Variants in PTN observed in about 807,000 individuals in gnomAD.
PTN encodes heparin affin regulatory protein.
Under a neutral mutation model 24.1 loss-of-function variants are expected in PTN, and 18 were observed. That is an observed-to-expected ratio of 0.75 (90% CI 0.52 to 1.11). The LOEUF (loss-of-function observed/expected upper bound fraction) is 1.11, where lower values mean the gene tolerates loss of function less well. PTN is among the 50% of genes least tolerant of loss of function. PTN has a pLI of 0.00. For missense variants in PTN, 163 were observed against 198.8 expected, an observed-to-expected ratio of 0.82 and a Z score of 1.08; for synonymous variants, 78 against 68.6, an observed-to-expected ratio of 1.14 and a Z score of -0.67.
At chr7:137,331,474 C>A (rs1810357514) in intron 1 of PTN, among the ~76,000 whole-genome samples, 1 of 152,226 alleles carries the variant, frequency 6.6e-6, no homozygotes, top group African/African-American at 2.4e-5. Context: ...ACTTTCACTC[C>A]TCCTCTGCGA....
At chr7:137,272,725 C>T (rs1012651243) in intron 1 of PTN, among the ~76,000 whole-genome samples, 4 of 152,086 alleles carry the variant, frequency 2.6e-5, no homozygotes, top group East Asian at 1.9e-4. Context: ...TCTAAAAAAA[C>T]GAAACTAGAA....
chr7:137,301,092 T>C (rs1809798068), intron 1 of PTN, among the ~76,000 whole-genome samples: 1 of 151,958 alleles, frequency 6.6e-6, no homozygotes, highest in African/African-American at 2.4e-5. Flanking sequence ...TAGTACAGTA[T>C]TTAGTAAAAT....
chr7:137,234,172 T>G (rs1314870688), intron 4 of PTN, among the ~76,000 whole-genome samples: 1 of 151,970 alleles, frequency 6.6e-6, no homozygotes, highest in Non-Finnish European at 1.5e-5. Flanking sequence ...TACTTTGAAA[T>G]GTGACCAAGT....
chr7:137,276,379 A>G (rs1413729442), intron 1 of PTN, among the ~76,000 whole-genome samples: 1 of 152,216 alleles, frequency 6.6e-6, no homozygotes, highest in Non-Finnish European at 1.5e-5. Context: ...CCTGAGATAA[A>G]GAGAAACTAT....
At chr7:137,285,101 G>A (rs1198379852) in intron 1 of PTN, among the ~76,000 whole-genome samples, 2 of 152,102 alleles carry the variant, frequency 1.3e-5, no homozygotes, top group African/African-American at 2.4e-5. Flanking sequence ...CAAAGCTAAT[G>A]AGCAAATCAG....
intron 1 of PTN, among the ~76,000 whole-genome samples, chr7:137,275,503 C>A (rs962119503): frequency 6.6e-6 from 1 of 152,116 alleles, no homozygotes; most frequent in Non-Finnish European, 1.5e-5. Flanking sequence ...TAAGAGGATT[C>A]AGCCAATAAG....
rs1363943343 is a variant in PTN at position 137,302,959 on chromosome 7, A to G, written c.-2+40480T>C. On this transcript the variant is annotated intron_variant, in intron 1 of 4. Transcript: ENST00000348225. ...GCTTGTATGGTCTCAAAAAGAAAGT[A>G]CTTGATGTTCGTGTTTATTCATTGT... is the stretch of plus-strand genomic sequence containing the variant. Among the ~76,000 whole-genome samples, 3 of 151,960 alleles carry G rather than the reference A, an allele frequency of 2.0e-5. No individual in the cohort carries two copies. In the East Asian group the frequency reaches 5.8e-4, roughly 29 times the overall value.
At chr7:137,332,480 A>G (rs1307535550) in intron 1 of PTN, among the ~76,000 whole-genome samples, 1 of 152,194 alleles carries the variant, frequency 6.6e-6, no homozygotes, top group Non-Finnish European at 1.5e-5. Flanking sequence ...GAGATTCTGC[A>G]TATTCCCAGA....
chr7:137,253,355 A>G, intron 3 of PTN, 109 bp downstream of exon 3: 3 of 1,182,122 alleles, frequency 2.5e-6, no homozygotes, highest in Non-Finnish European at 3.5e-6. Flanking sequence ...TGTGTCTGGT[A>G]AGATAAAGTT....
intron 4 of PTN, among the ~76,000 whole-genome samples, chr7:137,250,118 A>T (rs552601795): frequency 3.3e-5 from 5 of 152,310 alleles, no homozygotes; most frequent in South Asian, 4.1e-4. Context: ...TAGAGTTAAA[A>T]TATATGAGTA....
intron 4 of PTN, among the ~76,000 whole-genome samples, chr7:137,240,322 A>G (rs1183488512): frequency 1.3e-5 from 2 of 152,130 alleles, no homozygotes; most frequent in East Asian, 3.9e-4. Context: ...CTCTTAATAG[A>G]TTTTATAAAA....
rs536640753 is a variant in PTN, at chr7:137,244,105, CTCT to C, written c.451+7122_451+7124del. On this transcript the variant is annotated intron_variant, in intron 4 of 4. Transcript: ENST00000348225. ...TTAATCTATATTAATTAAACTCAAT[CTCT>C]TTTCTTAAGAAATTAAAATCTCAAG... Among the ~76,000 whole-genome samples the C allele has an allele frequency of 1.4e-4, 21 of 152,242 alleles. No homozygotes were observed. In the South Asian group the frequency reaches 4.2e-3, roughly 30 times the overall value.
chr7:137,278,036 G>A (rs977607383), intron 1 of PTN, among the ~76,000 whole-genome samples: 55 of 152,028 alleles, frequency 3.6e-4, no homozygotes, highest in African/African-American at 1.0e-3. Context: ...GGCCGGGCGC[G>A]GTGGCTCACG....
chr7:137,284,978 T>G (rs1809531021), intron 1 of PTN, among the ~76,000 whole-genome samples: 1 of 152,154 alleles, frequency 6.6e-6, no homozygotes, highest in Non-Finnish European at 1.5e-5. Context: ...GTCAACAACT[T>G]AAATAAATAT....
At chr7:137,314,173 T>C (rs1562920230) in intron 1 of PTN, among the ~76,000 whole-genome samples, 1 of 152,176 alleles carries the variant, frequency 6.6e-6, no homozygotes, top group Non-Finnish European at 1.5e-5. Context: ...CTATAAAGCA[T>C]TGCTAAAATT....
chr7:137,248,449 G>A (rs1395654278), intron 4 of PTN, among the ~76,000 whole-genome samples: 1 of 152,112 alleles, frequency 6.6e-6, no homozygotes, highest in East Asian at 1.9e-4. Flanking sequence ...ACTTTGGGAG[G>A]CCAAGGCGGG....
chr7:137,304,621 G>A (rs1309923747), intron 1 of PTN, among the ~76,000 whole-genome samples: 2 of 152,050 alleles, frequency 1.3e-5, no homozygotes, highest in Non-Finnish European at 2.9e-5. Flanking sequence ...TGGAATGCAA[G>A]CTGCAAGTTC....
chr7:137,232,571 T>C (rs989256166), intron 4 of PTN, among the ~76,000 whole-genome samples: 4 of 151,982 alleles, frequency 2.6e-5, no homozygotes, highest in Non-Finnish European at 5.9e-5. Flanking sequence ...TACATTGCTA[T>C]GAATCATAGG....
chr7:137,272,638 T>C (rs1809293847), intron 1 of PTN, among the ~76,000 whole-genome samples: 1 of 152,240 alleles, frequency 6.6e-6, no homozygotes, highest in Non-Finnish European at 1.5e-5. Context: ...GTAACTATCA[T>C]GTCTTTAAAT....
Sources: gnomAD v4.1 joint callset for allele counts (sites outside exome capture counted in the v4.1 genomes callset) on GRCh38, gnomAD v4.1.1 for gene constraint, MANE v1.5 for transcripts, NCBI Gene and HGNC (gene_info 2026-07-23, HGNC 2026-07-21) for gene names.